Variants in TOM1L2 observed in about 807,000 individuals in gnomAD.
The protein encoded by TOM1L2 is TOM1-like protein 2.
TOM1L2 carries 31 observed loss-of-function variants against 67.9 expected under a neutral mutation model. The ratio of observed to expected loss-of-function variants is 0.46; its 90% CI spans 0.34 to 0.62. The LOEUF is 0.62. Ranked by LOEUF, TOM1L2 falls within the 20% of genes least tolerant of loss-of-function variation. The pLI is 0.01. For synonymous variants in TOM1L2, 256 were observed against 254.0 expected, an observed-to-expected ratio of 1.01 and a Z score of -0.07; for missense variants, 606 against 663.5, an observed-to-expected ratio of 0.91 and a Z score of 0.95.
intron 7 of TOM1L2, among the ~76,000 whole-genome samples, chr17:17,878,910 C>T (rs947756256): frequency 6.6e-6 from 1 of 151,812 alleles, no homozygotes; most frequent in Admixed American, 6.6e-5. Flanking sequence ...TGGCTCTGGA[C>T]CTGGCTGCCC....
At chr17:17,860,231 C>T (rs2036480510) in intron 12 of TOM1L2, among the ~76,000 whole-genome samples, 1 of 152,256 alleles carries the variant, frequency 6.6e-6, no homozygotes. Flanking sequence ...AATGCCCACG[C>T]TGGGGCAGGT....
At chr17:17,871,909 C>A (rs2037173819) in intron 7 of TOM1L2, 1 of 887,816 alleles carries the variant, frequency 1.1e-6, no homozygotes, top group Non-Finnish European at 1.3e-6. Context: ...AATACGGGAT[C>A]TTAATTGCAG....
chr17:17,911,203 C>G (rs552620471), intron 1 of TOM1L2, among the ~76,000 whole-genome samples: 1 of 152,056 alleles, frequency 6.6e-6, no homozygotes, highest in South Asian at 2.1e-4. Context: ...CTACCCCAGG[C>G]GAGAGAAAAT....
chr17:17,891,784 CGTGT>C (rs374192888), intron 4 of TOM1L2, among the ~76,000 whole-genome samples: 3,701 of 143,162 alleles, frequency 0.026, 91 homozygotes, highest in African/African-American at 0.071. Context: ...TGCATGCACA[CGTGT>C]GTGTGTGTGT....
chr17:17,856,754 G>A (rs954498248), intron 12 of TOM1L2, among the ~76,000 whole-genome samples: 2 of 152,234 alleles, frequency 1.3e-5, no homozygotes. Flanking sequence ...TGCTAGAGGT[G>A]AAATGGTCAT....
intron 1 of TOM1L2, among the ~76,000 whole-genome samples, chr17:17,911,808 G>C (rs1420587955): frequency 4.8e-5 from 7 of 147,224 alleles, no homozygotes; most frequent in Non-Finnish European, 9.0e-5. Context: ...GCGGCCTTCC[G>C]CAGTGTTTGT....
At chr17:17,889,052 G>A (rs989791706) in intron 4 of TOM1L2, among the ~76,000 whole-genome samples, 3 of 152,182 alleles carry the variant, frequency 2.0e-5, no homozygotes, top group Admixed American at 6.5e-5. Context: ...CAGGGAGACC[G>A]GCTCCATCCA....
chr17:17,855,788 C>T (rs1181178470), intron 12 of TOM1L2, among the ~76,000 whole-genome samples: 1 of 152,168 alleles, frequency 6.6e-6, no homozygotes. Flanking sequence ...AGCTGTGAAT[C>T]CCTTCCTATG....
rs1046280657 is a variant in TOM1L2 at position 17,844,493 on chromosome 17, G to A, written c.*3142C>T. 2.0e-5 allele frequency: 3 copies of A among 152,344 alleles called. No individual in the cohort carries two copies. Among genetic ancestry groups the A allele is most frequent in the Admixed American group, 2.0e-4 (3 of 15,288 alleles). The allele number at this position is 152,344 out of a possible 1,614,324, so 9.4% of individuals were successfully genotyped here. On this transcript the variant is annotated 3_prime_UTR_variant, in exon 15 of 15. Transcript: ENST00000379504. ...CATCACTCACATGGAGGCGCTAATA[G>A]AAAGACAGGAGGACAGACGGATGGT...
At position 17,869,347 on chromosome 17, in the gene TOM1L2, A is replaced by T; in HGVS notation, c.904T>A (p.Tyr302Asn). Residue 302 changes from tyrosine to asparagine, a missense_variant, in exon 8 of 15, where the codon TAC (tyrosine) becomes AAC (asparagine). Physicochemically the swap from Tyr to Asn is moderately radical, Grantham distance 143. Coordinates refer to ENST00000379504, the MANE Select transcript of TOM1L2 (RefSeq NM_001082968.2). Reference protein sequence around the residue: ...NDDLNNVFLRYERFERYRSGR... With the variant: ...NDDLNNVFLRNERFERYRSGR... ...AAGAAATCCGGCTCCCACCTCTCGTATCGAAGGAAGACGTTGTTGAGGTCA... is the reference window on the plus strand; with the variant it reads ...AAGAAATCCGGCTCCCACCTCTCGTTTCGAAGGAAGACGTTGTTGAGGTCA... 1 of 1,610,438 alleles carries T rather than the reference A, an allele frequency of 6.2e-7. No individual in the cohort carries two copies. The highest frequency in any genetic ancestry group is 8.5e-7 in the Non-Finnish European group (1 of 1,179,648).
chr17:17,932,651 AC>A (rs2040381073), intron 1 of TOM1L2, among the ~76,000 whole-genome samples: 1 of 152,140 alleles, frequency 6.6e-6, no homozygotes, highest in Admixed American at 6.5e-5. Context: ...GTACTTTGGA[AC>A]CAGACAGAAC....
intron 7 of TOM1L2, among the ~76,000 whole-genome samples, chr17:17,872,846 G>C (rs771724120): frequency 3.3e-5 from 5 of 152,246 alleles, no homozygotes; most frequent in Non-Finnish European, 7.3e-5. Context: ...AGCCCTGGCT[G>C]TCCTTGGCTG....
At chr17:17,953,748 T>C (rs1275938614) in intron 1 of TOM1L2, among the ~76,000 whole-genome samples, 1 of 152,222 alleles carries the variant, frequency 6.6e-6, no homozygotes, top group Non-Finnish European at 1.5e-5. Flanking sequence ...ATCCTGTTGG[T>C]TGTGTGATTC....
intron 12 of TOM1L2, among the ~76,000 whole-genome samples, chr17:17,852,322 G>C (rs923813428): frequency 6.6e-6 from 1 of 152,192 alleles, no homozygotes; most frequent in African/African-American, 2.4e-5. Flanking sequence ...GCTGATGGTG[G>C]GGGAGGGTGG....
intron 2 of TOM1L2, among the ~76,000 whole-genome samples, chr17:17,905,905 C>T (rs2039074452): frequency 6.6e-6 from 1 of 152,074 alleles, no homozygotes; most frequent in Admixed American, 6.6e-5. Flanking sequence ...ACTTCCTCTC[C>T]AGGTACTCTC....
At chr17:17,890,629 C>T (rs2038226772) in intron 4 of TOM1L2, among the ~76,000 whole-genome samples, 1 of 152,160 alleles carries the variant, frequency 6.6e-6, no homozygotes, top group African/African-American at 2.4e-5. Context: ...GTGACACCCA[C>T]AAACACAGCA....
intron 1 of TOM1L2, among the ~76,000 whole-genome samples, chr17:17,918,348 A>G (rs2039715562): frequency 6.6e-6 from 1 of 151,796 alleles, no homozygotes; most frequent in East Asian, 1.9e-4. Flanking sequence ...TCCCATTGAG[A>G]TGCCTTTTAT....
chr17:17,935,967 C>T (rs955976568), intron 1 of TOM1L2, among the ~76,000 whole-genome samples: 3 of 152,218 alleles, frequency 2.0e-5, no homozygotes, highest in African/African-American at 7.2e-5. Flanking sequence ...CTACCCAGTC[C>T]ATCCTCCACC....
intron 1 of TOM1L2, among the ~76,000 whole-genome samples, chr17:17,940,946 T>A (rs1355411441): frequency 1.3e-5 from 2 of 152,214 alleles, no homozygotes; most frequent in East Asian, 3.8e-4. Context: ...TTCTCTATGA[T>A]GCTTGCAAAT....
Sources: gnomAD v4.1 joint callset for allele counts (sites outside exome capture counted in the v4.1 genomes callset) on GRCh38, gnomAD v4.1.1 for gene constraint, MANE v1.5 for transcripts, NCBI Gene and HGNC (gene_info 2026-07-23, HGNC 2026-07-21) for gene names.